The following PRKAG2 variants were observed in gnomAD, a reference collection of about 807,000 sequenced individuals.
The protein encoded by PRKAG2 is protein kinase AMP-activated non-catalytic subunit gamma 2.
A neutral mutation model predicts 69.6 loss-of-function variants in PRKAG2; 26 were observed. The observed-to-expected ratio is 0.37, with a 90% CI of 0.27 to 0.52. The LOEUF is 0.52. Ranked by LOEUF, PRKAG2 falls within the 20% of genes least tolerant of loss-of-function variation. PRKAG2 has a pLI of 0.90. For missense variants in PRKAG2, 557 were observed against 740.0 expected (o/e 0.75, Z 2.87); for synonymous variants, 293 against 285.0 (o/e 1.03, Z -0.28).
intron 5 of PRKAG2, among the ~76,000 whole-genome samples, chr7:151,629,580 C>T (rs1292952311): frequency 2.0e-5 from 3 of 152,200 alleles, no homozygotes; most frequent in Non-Finnish European, 4.4e-5. Flanking sequence ...AGGCCAAAGA[C>T]GACCCAACTA....
At chr7:151,641,462 G>A (rs1186124618) in intron 4 of PRKAG2, among the ~76,000 whole-genome samples, 2 of 151,890 alleles carry the variant, frequency 1.3e-5, no homozygotes, top group Non-Finnish European at 2.9e-5. Flanking sequence ...TGGCCAGGCT[G>A]GTCTGAAACT....
chr7:151,558,956 C>G (rs528174242), intron 15 of PRKAG2: 12 of 985,318 alleles, frequency 1.2e-5, no homozygotes, highest in Non-Finnish European at 1.3e-5. Context: ...CCCAAAGAGA[C>G]AGACAAGAGC....
At chr7:151,789,628 G>T (rs988561449) in intron 1 of PRKAG2, among the ~76,000 whole-genome samples, 1 of 152,206 alleles carries the variant, frequency 6.6e-6, no homozygotes. Context: ...ACTGAGACAC[G>T]CCAGTGAGAT....
At chr7:151,587,487 C>G (rs2151094652) in intron 6 of PRKAG2, among the ~76,000 whole-genome samples, 1 of 152,264 alleles carries the variant, frequency 6.6e-6, no homozygotes, top group East Asian at 1.9e-4. Context: ...GAAGAATCAT[C>G]TCATGGTGGA....
At chr7:151,797,828 G>T (rs914880470) in intron 1 of PRKAG2, among the ~76,000 whole-genome samples, 1 of 152,166 alleles carries the variant, frequency 6.6e-6, no homozygotes, top group Non-Finnish European at 1.5e-5. Context: ...CACTCCCGCA[G>T]CATCTGGCCA....
chr7:151,687,737 C>A (rs1834944126), intron 3 of PRKAG2, among the ~76,000 whole-genome samples: 1 of 152,216 alleles, frequency 6.6e-6, no homozygotes, highest in South Asian at 2.1e-4. Context: ...CTTCAGGCCG[C>A]AGCCCAGGGC....
At chr7:151,675,315 C>T (rs777906839) in intron 4 of PRKAG2, 105 bp downstream of exon 4, 15 of 1,136,004 alleles carry the variant, frequency 1.3e-5, no homozygotes, top group Non-Finnish European at 1.6e-5. Context: ...CGGGAGCACA[C>T]GACCTCAGCC....
chr7:151,706,480 C>G (rs911384839), intron 3 of PRKAG2, among the ~76,000 whole-genome samples: 2 of 152,202 alleles, frequency 1.3e-5, no homozygotes, highest in Non-Finnish European at 2.9e-5. Context: ...CCACCTGGGA[C>G]AGTGCCTTGC....
intron 6 of PRKAG2, among the ~76,000 whole-genome samples, chr7:151,579,484 G>C (rs971409536): frequency 6.6e-6 from 1 of 152,178 alleles, no homozygotes; most frequent in African/African-American, 2.4e-5. Flanking sequence ...TTGGCATAAT[G>C]AAACAGTTGA....
chr7:151,874,096 ATATGTATAT>A (rs2080293996), intron 1 of PRKAG2, among the ~76,000 whole-genome samples: 1 of 146,432 alleles, frequency 6.8e-6, no homozygotes, highest in South Asian at 2.1e-4. Flanking sequence ...TATATGATGT[ATATGTATAT>A]GATGTATATG....
intron 5 of PRKAG2, among the ~76,000 whole-genome samples, chr7:151,623,774 T>C (rs1822126887): frequency 6.6e-6 from 1 of 152,206 alleles, no homozygotes; most frequent in Admixed American, 6.5e-5. Flanking sequence ...TTAATTGCTA[T>C]GGCTCTAATT....
In PRKAG2 at chr7:151,631,601, T is replaced by C. The variant is rs761024608; in HGVS notation, c.754+468A>G. On this transcript the variant is annotated intron_variant, in intron 5 of 15. Coordinates refer to ENST00000287878, the MANE Select transcript of PRKAG2 (RefSeq NM_016203.4). ...TCAATAACCTCTTCAGGTTTTCCTA[T>C]TTAACTTTCCCCATTAAAAAAGAAG... The C allele has an allele frequency of 6.7e-5, 30 of 447,182 alleles. 2 individuals are homozygous for C. The highest frequency in any genetic ancestry group is 4.7e-4 in the South Asian group (30 of 63,606). 27.7% of individuals were successfully genotyped at this position (447,182 alleles called of 1,614,324 possible). A position where few individuals can be genotyped will look rare whatever the true frequency, so the allele number is the denominator to read the frequency against.
chr7:151,751,673 TTTTGTTTGTTTG>T (rs58075222), intron 3 of PRKAG2, among the ~76,000 whole-genome samples: 15 of 149,454 alleles, frequency 1.0e-4, no homozygotes, highest in South Asian at 8.6e-4. Context: ...GCCCAGCTAT[TTTTGTTTGTTTG>T]TTTGTTTGTT....
rs562160638 is a variant in PRKAG2 at position 151,739,074 on chromosome 7, G to A, written c.466+42078C>T. Among the ~76,000 whole-genome samples, 17 of 152,326 alleles carry A rather than the reference G, an allele frequency of 1.1e-4. No individual in the cohort carries two copies. The East Asian group carries it at 3.3e-3, about 29-fold the overall frequency. On this transcript the variant is annotated intron_variant, in intron 3 of 15. Coordinates refer to ENST00000287878, the MANE Select transcript of PRKAG2 (RefSeq NM_016203.4). ...GGTTCGGGTCTCCCCAGCTGAGCTG[G>A]TCTCGGTAGCCTCCATCTGCAGGGG... is the stretch of plus-strand genomic sequence containing the variant.
intron 3 of PRKAG2, among the ~76,000 whole-genome samples, chr7:151,712,171 C>T (rs1795431415): frequency 6.6e-6 from 1 of 152,240 alleles, no homozygotes; most frequent in Non-Finnish European, 1.5e-5. Flanking sequence ...GTGTGGCCCC[C>T]ACCCTCACGT....
intron 3 of PRKAG2, among the ~76,000 whole-genome samples, chr7:151,757,163 G>A (rs1803636416): frequency 1.3e-5 from 2 of 152,198 alleles, no homozygotes; most frequent in South Asian, 2.1e-4. Flanking sequence ...GGATGGAAAT[G>A]CAAGACTCAG....
At chr7:151,758,477 T>C in intron 3 of PRKAG2, among the ~76,000 whole-genome samples, 1 of 152,232 alleles carries the variant, frequency 6.6e-6, no homozygotes. Flanking sequence ...TAAATATTTT[T>C]GCCAGAACTG....
At chr7:151,787,604 T>C (rs1381287092) in intron 1 of PRKAG2, among the ~76,000 whole-genome samples, 3 of 152,214 alleles carry the variant, frequency 2.0e-5, no homozygotes, top group African/African-American at 7.2e-5. Flanking sequence ...ATTCATCAGT[T>C]GATGGACATT....
intron 10 of PRKAG2, 56 bp downstream of exon 10, chr7:151,570,114 GT>G: frequency 1.3e-6 from 2 of 1,548,900 alleles, no homozygotes; most frequent in Non-Finnish European, 1.8e-6. Context: ...TTCTATCATG[GT>G]GATAAAACAC....
Sources: gnomAD v4.1 joint callset for allele counts (sites outside exome capture counted in the v4.1 genomes callset) on GRCh38, gnomAD v4.1.1 for gene constraint, MANE v1.5 for transcripts, NCBI Gene and HGNC (gene_info 2026-07-23, HGNC 2026-07-21) for gene names.